ZMYM4: variants seen among roughly 807,000 people sequenced by gnomAD.
The protein encoded by ZMYM4 is zinc finger MYM-type containing 4, also known as zinc finger MYM-type protein 4.
ZMYM4 carries 31 observed loss-of-function variants against 183.2 expected under a neutral mutation model. That is an observed-to-expected ratio of 0.17 (90% CI 0.13 to 0.23). ZMYM4 has a LOEUF of 0.23. Among genes scored for constraint, ZMYM4 ranks in the 10% least tolerant of loss-of-function variants. The pLI, the probability that ZMYM4 is intolerant of heterozygous loss-of-function variation, is 1.00. For missense variants in ZMYM4, 1,273 were observed against 1,840.3 expected (o/e 0.69, Z 5.64); for synonymous variants, 592 against 631.2 (o/e 0.94, Z 0.93).
chr1:35,276,097 C>T (rs1448525748), intron 1 of ZMYM4, among the ~76,000 whole-genome samples: 1 of 152,070 alleles, frequency 6.6e-6, no homozygotes, highest in Non-Finnish European at 1.5e-5. Context: ...TTTGAGAACC[C>T]AGCACATATC....
Position 35,359,024 on chromosome 1 carries a change from C to A in ZMYM4, c.185C>A (p.Ser62Tyr). ...MSYGMPNQTG[S>Y]ENSLLDEDDY... is the part of the protein sequence containing the mutation. ...TATGGAATGCCGAATCAAACAGGAT[C>A]TGAAAATTCATTGCTGGATGAAGAT... Residue 62 changes from serine to tyrosine, a missense_variant, in exon 3 of 30, where the codon TCT becomes TAT. Ser to Tyr is a moderately radical substitution (Grantham distance 144). Coordinates refer to ENST00000314607, the MANE Select transcript of ZMYM4 (RefSeq NM_005095.3). 12 of 1,613,762 alleles carry A rather than the reference C, an allele frequency of 7.4e-6. No homozygotes were observed. Among genetic ancestry groups the A allele is most frequent in the Non-Finnish European group, 1.0e-5 (12 of 1,179,732 alleles).
intron 7 of ZMYM4, among the ~76,000 whole-genome samples, chr1:35,373,360 G>T (rs1462235328): frequency 7.4e-5 from 11 of 149,112 alleles, no homozygotes; most frequent in African/African-American, 2.5e-4. Flanking sequence ...GAGAATTAAT[G>T]ATCTTAACTT....
intron 1 of ZMYM4, among the ~76,000 whole-genome samples, chr1:35,286,855 C>T (rs1053575945): frequency 1.7e-5 from 2 of 118,720 alleles, no homozygotes; most frequent in Non-Finnish European, 3.3e-5. Context: ...GTCTTGAACT[C>T]CTGGGCTCAA....
Position 35,381,378 on chromosome 1 carries a change from C to G in ZMYM4, c.1301C>G (p.Thr434Ser). ...GAACTGAAAAAAAAACCTATTGTTA[C>G]CATAAATACAAATAGTATTTCAACC... Reference protein sequence around the residue: ...TYELKKKPIVTINTNSISTKC... With the variant: ...TYELKKKPIVSINTNSISTKC... Residue 434 changes from threonine (T) to serine (S), a missense_variant, in exon 8 of 30, where the codon ACC becomes AGC. By Grantham distance (58) the Thr-to-Ser change is moderately conservative. Coordinates refer to ENST00000314607, the MANE Select transcript of ZMYM4 (RefSeq NM_005095.3). 1 of 1,612,048 alleles carries G rather than the reference C, an allele frequency of 6.2e-7. No homozygotes were observed. Among genetic ancestry groups the G allele is most frequent in the Non-Finnish European group, 8.5e-7 (1 of 1,179,114 alleles).
intron 15 of ZMYM4, among the ~76,000 whole-genome samples, chr1:35,391,185 G>A (rs926323744): frequency 1.3e-5 from 2 of 152,230 alleles, no homozygotes; most frequent in African/African-American, 2.4e-5. Flanking sequence ...GCAGTGAGCA[G>A]CACAGCAGAG....
rs567055187 is a variant in ZMYM4 at position 35,355,795 on chromosome 1, G to A, written c.86-3130G>A. ...TTAATATTACTAAAATAATTCTTCC[G>A]TAGTTTATTTAATATTACTGTTTTA... On this transcript the variant is annotated intron_variant, in intron 2 of 29. Transcript: ENST00000314607. 2.0e-5 allele frequency among the ~76,000 whole-genome samples: 3 copies of A among 151,982 alleles called. 1 individual carries two copies. Among genetic ancestry groups the A allele is most frequent in the East Asian group, 3.9e-4 (2 of 5,178 alleles).
intron 1 of ZMYM4, among the ~76,000 whole-genome samples, chr1:35,311,571 C>T (rs1211321351): frequency 6.6e-6 from 1 of 151,938 alleles, no homozygotes; most frequent in Non-Finnish European, 1.5e-5. Context: ...TACCACTGTA[C>T]CCTAGTCTGG....
chr1:35,365,039 T>C (rs1265462881), intron 5 of ZMYM4, among the ~76,000 whole-genome samples: 1 of 152,174 alleles, frequency 6.6e-6, no homozygotes, highest in African/African-American at 2.4e-5. Context: ...TGCATGTTTC[T>C]ATAATGTTTT....
At position 35,415,713 on chromosome 1, in the gene ZMYM4, A is replaced by C; in HGVS notation, c.4308A>C (p.Pro1436=). Residue 1436 remains proline, a splice_region_variant and synonymous_variant, in exon 28 of 30, where the codon CCA becomes CCC. Transcript: ENST00000314607. ...FPPLQKQESE[P]DKLTVGKRKR... is the part of the protein sequence containing the mutation. ...CTTTACAGAAGCAGGAGTCAGAACC[A>C]GGTACGGGATACTGTTTGTCAGATT... The C allele has an allele frequency of 6.2e-7, 1 of 1,610,484 alleles. No homozygotes were observed. Among genetic ancestry groups the C allele is most frequent in the Non-Finnish European group, 8.5e-7 (1 of 1,179,946 alleles).
intron 1 of ZMYM4, among the ~76,000 whole-genome samples, chr1:35,311,948 GGT>G (rs1641824009): frequency 6.6e-6 from 1 of 151,934 alleles, no homozygotes; most frequent in South Asian, 2.1e-4. Context: ...GGAGTGCAGT[GGT>G]GATCCTAGCT....
intron 1 of ZMYM4, among the ~76,000 whole-genome samples, chr1:35,294,613 C>T (rs916612554): frequency 6.6e-6 from 1 of 151,998 alleles, no homozygotes; most frequent in Non-Finnish European, 1.5e-5. Context: ...ATAGATCATT[C>T]GTGTTTGGAT....
intron 11 of ZMYM4, among the ~76,000 whole-genome samples, 175 bp from the exon 12 acceptor site, chr1:35,386,828 T>C (rs931210502): frequency 6.6e-6 from 1 of 152,208 alleles, no homozygotes; most frequent in Non-Finnish European, 1.5e-5. Context: ...ATTTTATTTT[T>C]TCATCATAAA....
Position 35,418,311 on chromosome 1 carries a change from T to G in ZMYM4, c.4310-132T>G, listed in dbSNP as rs147184206. 3,413 of 914,948 alleles carry G rather than the reference T, an allele frequency of 3.7e-3. 8 individuals carry two copies. Among genetic ancestry groups the G allele is most frequent in the Non-Finnish European group, 4.2e-3 (2,586 of 620,460 alleles). 56.7% of individuals were successfully genotyped at this position (914,948 alleles called of 1,614,324 possible). A position where few individuals can be genotyped will look rare whatever the true frequency, so the allele number is the denominator to read the frequency against. ...ACCTTCATAGGCACTCAGTATTTGT[T>G]GAATGAGTGTGAGTGAGTGAAAGGG... On this transcript the variant is annotated intron_variant, in intron 28 of 29. Coordinates refer to ENST00000314607, the MANE Select transcript of ZMYM4 (RefSeq NM_005095.3).
At chr1:35,300,060 G>T (rs1369196025) in intron 1 of ZMYM4, among the ~76,000 whole-genome samples, 1 of 151,408 alleles carries the variant, frequency 6.6e-6, no homozygotes, top group Non-Finnish European at 1.5e-5. Context: ...CTCCCAAAGT[G>T]CTGGGATTAC....
intron 9 of ZMYM4, among the ~76,000 whole-genome samples, chr1:35,382,287 TATAG>T (rs1351332030): frequency 6.6e-6 from 1 of 150,682 alleles, no homozygotes; most frequent in Non-Finnish European, 1.5e-5. Flanking sequence ...TATATATACA[TATAG>T]AGAGAGTTTA....
At chr1:35,313,503 C>T (rs933591004) in intron 1 of ZMYM4, among the ~76,000 whole-genome samples, 2 of 151,734 alleles carry the variant, frequency 1.3e-5, no homozygotes, top group African/African-American at 2.4e-5. Flanking sequence ...ATTCTTGTGC[C>T]TCAGCCTCCC....
intron 1 of ZMYM4, among the ~76,000 whole-genome samples, chr1:35,292,988 C>G (rs995310216): frequency 7.0e-6 from 1 of 142,970 alleles, no homozygotes; most frequent in African/African-American, 2.6e-5. Context: ...AGAATTGTGT[C>G]TGTGATACCA....
At chr1:35,286,922 C>G (rs1469302278) in intron 1 of ZMYM4, among the ~76,000 whole-genome samples, 3 of 150,864 alleles carry the variant, frequency 2.0e-5, no homozygotes, top group Admixed American at 6.6e-5. Context: ...CTGCCTGGCC[C>G]TAGCTTATCT....
In ZMYM4 at chr1:35,406,714, A is replaced by G. The variant is rs1188625; in HGVS notation, c.3796+1246A>G. Among the ~76,000 whole-genome samples the G allele has an allele frequency of 8.2e-3, 1,245 of 152,250 alleles. 19 individuals carry two copies. The highest frequency in any genetic ancestry group is 0.024 in the African/African-American group (1,000 of 41,528). Reference sequence around the variant, plus strand: ...GTATGAAGCTAGGTACTAGGGTGAAAAAGTCAAACATGGTCGGTGCTCTCA... The same window carrying G: ...GTATGAAGCTAGGTACTAGGGTGAAGAAGTCAAACATGGTCGGTGCTCTCA... On this transcript the variant is annotated intron_variant, in intron 25 of 29. Coordinates refer to ENST00000314607, the MANE Select transcript of ZMYM4 (RefSeq NM_005095.3).
Sources: gnomAD v4.1 joint callset for allele counts (sites outside exome capture counted in the v4.1 genomes callset) on GRCh38, gnomAD v4.1.1 for gene constraint, MANE v1.5 for transcripts, NCBI Gene and HGNC (gene_info 2026-07-23, HGNC 2026-07-21) for gene names.